The following XKR6 variants were observed in gnomAD, a reference collection of about 807,000 sequenced individuals.
XKR6 encodes the protein XK related 6.
XKR6 carries 22 observed loss-of-function variants against 56.7 expected under a neutral mutation model. The ratio of observed to expected loss-of-function variants is 0.39; its 90% CI spans 0.28 to 0.55. The LOEUF is 0.55. Ranked by LOEUF, XKR6 falls within the 20% of genes least tolerant of loss-of-function variation. The pLI, the probability that XKR6 is intolerant of heterozygous loss-of-function variation, is 0.66. For missense variants in XKR6, 852 were observed against 889.0 expected, an observed-to-expected ratio of 0.96 and a Z score of 0.53; for synonymous variants, 524 against 387.8, an observed-to-expected ratio of 1.35 and a Z score of -4.13.
Position 11,116,035 on chromosome 8 carries a change from T to C in XKR6, c.764+84541A>G, listed in dbSNP as rs186522107. ...AAGACAAGAACTATTGGGAGTCATATCTGGGTTTTAAGCAAATCAATAAGC... is the reference window on the plus strand; with the variant it reads ...AAGACAAGAACTATTGGGAGTCATACCTGGGTTTTAAGCAAATCAATAAGC... On this transcript the variant is annotated intron_variant, in intron 1 of 2. Coordinates refer to ENST00000416569, the MANE Select transcript of XKR6 (RefSeq NM_173683.4). 3.3e-5 allele frequency among the ~76,000 whole-genome samples: 5 copies of C among 152,344 alleles called. No homozygotes were observed. In the East Asian group the frequency reaches 7.7e-4, roughly 23 times the overall value.
rs377201022 is a variant in XKR6, at chr8:10,898,670, T to C, written c.1208A>G (p.His403Arg). ...HWCAMAFWII[H>R]GGTDFCMSKW... Reference sequence around the variant, plus strand: ...GGACATGCAGAAGTCTGTTCCGCCATGGATGATCCAGAAGGCCATGGCGCA... The same window carrying C: ...GGACATGCAGAAGTCTGTTCCGCCACGGATGATCCAGAAGGCCATGGCGCA... The change falls in exon 3 of 3, where the codon CAT (histidine) becomes CGT (arginine). Residue 403 changes from histidine (H) to arginine (R), a missense_variant. By Grantham distance (29) the His-to-Arg change is conservative. Transcript: ENST00000416569. This position sits in a 1 kb window ranked among gnomAD's most constrained non-coding sequence, Gnocchi z 6.6. 1.2e-6 allele frequency: 2 copies of C among 1,613,942 alleles called. No individual in the cohort carries two copies. Among genetic ancestry groups the C allele is most frequent in the Non-Finnish European group, 8.5e-7 (1 of 1,180,024 alleles).
intron 1 of XKR6, among the ~76,000 whole-genome samples, chr8:10,956,244 C>G (rs1194595936): frequency 1.3e-5 from 2 of 152,208 alleles, no homozygotes; most frequent in African/African-American, 4.8e-5. Context: ...ATTTGCGGAG[C>G]CTTCCTCTGT....
At chr8:10,930,198 A>G (rs561090308) in intron 1 of XKR6, among the ~76,000 whole-genome samples, 1 of 152,260 alleles carries the variant, frequency 6.6e-6, no homozygotes, top group East Asian at 1.9e-4. Flanking sequence ...ACATTCACCT[A>G]TCTGGGCCCA....
In XKR6 at chr8:10,966,104, C is replaced by A. The variant is rs192750691; in HGVS notation, c.765-41274G>T. ...AGGAGGATTGCTAAAACACAGCAAC[C>A]GTGCCAGGTGCACAGCAGCGGTTCT... On this transcript the variant is annotated intron_variant, in intron 1 of 2. Coordinates refer to ENST00000416569, the MANE Select transcript of XKR6 (RefSeq NM_173683.4). 1.2e-4 allele frequency among the ~76,000 whole-genome samples: 19 copies of A among 152,258 alleles called. No homozygotes were observed. The East Asian group carries it at 3.5e-3, about 28-fold the overall frequency.
intron 1 of XKR6, among the ~76,000 whole-genome samples, chr8:10,951,071 G>C (rs1200123469): frequency 6.6e-6 from 1 of 152,190 alleles, no homozygotes; most frequent in Admixed American, 6.5e-5. Flanking sequence ...GCCAGACGGA[G>C]TCACCCATCC....
intron 1 of XKR6, chr8:11,108,100 CAG>C (rs745655075): frequency 6.0e-6 from 2 of 330,698 alleles, no homozygotes; most frequent in Admixed American, 4.6e-5. Context: ...GATCCGAAAA[CAG>C]AGATTGGAAA....
intron 1 of XKR6, among the ~76,000 whole-genome samples, chr8:11,026,737 T>TAGATGGTCTAGCCTACTACACACC (rs1798875260): frequency 4.3e-5 from 5 of 116,916 alleles, no homozygotes; most frequent in African/African-American, 1.4e-4. Flanking sequence ...TACTACACAC[T>TAGATGGTCTAGCCTACTACACACC]TAGATGGTCT....
intron 1 of XKR6, among the ~76,000 whole-genome samples, chr8:10,977,934 T>G (rs976326891): frequency 6.6e-6 from 1 of 152,118 alleles, no homozygotes; most frequent in Non-Finnish European, 1.5e-5. Flanking sequence ...AGGCGATGAC[T>G]CCAGAACGTA....
intron 1 of XKR6, among the ~76,000 whole-genome samples, chr8:10,976,264 A>C (rs1802555364): frequency 6.6e-6 from 1 of 152,026 alleles, no homozygotes; most frequent in Non-Finnish European, 1.5e-5. Flanking sequence ...CTATTTGTTG[A>C]ATGAGTGACT....
At chr8:10,985,725 C>T (rs1209209561) in intron 1 of XKR6, among the ~76,000 whole-genome samples, 1 of 152,128 alleles carries the variant, frequency 6.6e-6, no homozygotes, top group Admixed American at 6.5e-5. Context: ...AACCTCTTTC[C>T]TTTTTTCCTT....
chr8:11,059,003 G>A (rs1799757708), intron 1 of XKR6, among the ~76,000 whole-genome samples: 1 of 152,224 alleles, frequency 6.6e-6, no homozygotes, highest in African/African-American at 2.4e-5. Flanking sequence ...ACAGGAAACT[G>A]AAGCTCAGAA....
intron 1 of XKR6, among the ~76,000 whole-genome samples, chr8:11,057,061 C>T (rs1301973030): frequency 2.0e-5 from 3 of 152,232 alleles, no homozygotes; most frequent in African/African-American, 7.2e-5. Flanking sequence ...TCTTGAAGCA[C>T]AGCCCAAATC....
At chr8:11,125,623 G>A (rs1039782869) in intron 1 of XKR6, 1 of 152,086 alleles carries the variant, frequency 6.6e-6, no homozygotes, top group Non-Finnish European at 1.5e-5. Flanking sequence ...ATAAACAGCC[G>A]TGCGAAGGAC....
In XKR6 at chr8:11,200,788, G is replaced by T; in HGVS notation, c.552C>A (p.Phe184Leu). Residue 184 changes from phenylalanine to leucine, a missense_variant, in exon 1 of 3, where the codon TTC (phenylalanine) becomes TTA (leucine). This residue lies in a region of XKR6 where 417 missense variants were observed against 355.2 expected (regional missense o/e 1.17). Coordinates refer to ENST00000416569, the MANE Select transcript of XKR6 (RefSeq NM_173683.4). This position sits in a 1 kb window ranked among gnomAD's most constrained non-coding sequence, Gnocchi z 6.4. ...GCCCGCCGCCCGTGTAGTCCTGCAC[G>T]AACCAGCGGAAGCTCAGGCTCTGCA... Reference protein sequence around the residue: ...LLVQSLSFRWFVQDYTGGGLG... With the variant: ...LLVQSLSFRWLVQDYTGGGLG... 6.2e-7 allele frequency: 1 copy of T among 1,608,624 alleles called. No individual in the cohort carries two copies. The highest frequency in any genetic ancestry group is 1.1e-5 in the South Asian group (1 of 90,484).
chr8:10,965,465 C>T (rs953500127), intron 1 of XKR6, among the ~76,000 whole-genome samples: 9 of 152,254 alleles, frequency 5.9e-5, no homozygotes, highest in African/African-American at 1.7e-4. Flanking sequence ...CATGGCACCT[C>T]GTGCGCAGAG....
chr8:11,147,702 T>A (rs1267348942), intron 1 of XKR6, among the ~76,000 whole-genome samples: 1 of 145,096 alleles, frequency 6.9e-6, no homozygotes, highest in Non-Finnish European at 1.5e-5. Context: ...CATATGAAAA[T>A]ATGCTCAACA....
Position 11,108,232 on chromosome 8 carries a change from T to C in XKR6, c.764+92344A>G, listed in dbSNP as rs149250121. 1,201 of 452,998 alleles carry C rather than the reference T, an allele frequency of 2.7e-3. 13 individuals are homozygous for C. Among genetic ancestry groups the C allele is most frequent in the African/African-American group, 0.02 (996 of 49,986 alleles). The allele number at this position is 452,998 out of a possible 1,614,324, so 28.1% of individuals were successfully genotyped here. On this transcript the variant is annotated intron_variant, in intron 1 of 2. Transcript: ENST00000416569. ...ACCAAATTCAGAAATAACCATACAA[T>C]TGTAAAATCTGTAAGGAATAAGGAA...
intron 1 of XKR6, among the ~76,000 whole-genome samples, chr8:11,020,288 C>T (rs1209449537): frequency 2.6e-5 from 4 of 152,296 alleles, no homozygotes; most frequent in African/African-American, 4.8e-5. Flanking sequence ...CTGTGCATCC[C>T]GACACGGAAG....
At chr8:10,974,311 T>C (rs1802491250) in intron 1 of XKR6, among the ~76,000 whole-genome samples, 1 of 152,194 alleles carries the variant, frequency 6.6e-6, no homozygotes, top group Non-Finnish European at 1.5e-5. Flanking sequence ...CTGTGCCTGG[T>C]GGGAAGACAG....
Sources: gnomAD v4.1 joint callset for allele counts (sites outside exome capture counted in the v4.1 genomes callset) on GRCh38, gnomAD v4.1.1 for gene constraint, gnomAD v4.1.1 regional missense constraint, Gnocchi (gnomAD v3.1) non-coding constraint, MANE v1.5 for transcripts, NCBI Gene and HGNC (gene_info 2026-07-23, HGNC 2026-07-21) for gene names.